IPO5: variants seen among roughly 807,000 people sequenced by gnomAD.
IPO5 encodes the protein importin-5.
In IPO5, 18 loss-of-function variants were observed where a neutral mutation model predicts 143.3. The observed-to-expected ratio is 0.13, with a 90% CI of 0.09 to 0.19. The LOEUF (loss-of-function observed/expected upper bound fraction) is 0.19, where lower values mean the gene tolerates loss of function less well. Ranked by LOEUF, IPO5 falls within the 10% of genes least tolerant of loss-of-function variation. The pLI is 1.00. For synonymous variants in IPO5, 477 were observed against 465.7 expected (o/e 1.02, Z -0.31); for missense variants, 1,013 against 1,336.9 (o/e 0.76, Z 3.78).
chr13:97,971,962 T>C (rs1325978465), intron 3 of IPO5, among the ~76,000 whole-genome samples: 2 of 152,198 alleles, frequency 1.3e-5, no homozygotes, highest in Admixed American at 6.5e-5. Context: ...ATTCCAATTT[T>C]ACAGATGAGA....
At chr13:98,016,152 C>A (rs1890109491) in intron 24 of IPO5, among the ~76,000 whole-genome samples, 1 of 152,128 alleles carries the variant, frequency 6.6e-6, no homozygotes, top group Non-Finnish European at 1.5e-5. Flanking sequence ...CGGTCTGGGG[C>A]CTTTTTCACC....
At chr13:97,984,215 T>G (rs1367309874) in intron 5 of IPO5, among the ~76,000 whole-genome samples, 1 of 151,760 alleles carries the variant, frequency 6.6e-6, no homozygotes, top group African/African-American at 2.4e-5. Context: ...CCTGACCTCG[T>G]GATCCGCCCG....
chr13:97,978,174 T>C (rs909879115), intron 4 of IPO5, among the ~76,000 whole-genome samples: 6 of 152,346 alleles, frequency 3.9e-5, no homozygotes, highest in Admixed American at 1.3e-4. Context: ...TCGTTTCTTA[T>C]CCCGTTTCCC....
chr13:97,969,153 G>GTATATATATATATA lies in IPO5; in HGVS notation c.-112-560_-112-547dup, dbSNP rs1210544640. Among the ~76,000 whole-genome samples the GTATATATATATATA allele has an allele frequency of 4.2e-3, 269 of 63,380 alleles. 6 individuals carry two copies. The highest frequency in any genetic ancestry group is 0.013 in the Middle Eastern group (1 of 78). 41.6% of individuals were successfully genotyped at this position (63,380 alleles called of 152,430 possible). On this transcript the variant is annotated intron_variant, in intron 2 of 28. Transcript: ENST00000651721. ...CTTAGAAATGAAATCTTTCTGCTAA[G>GTATATATATATATA]TATATATATATATATATATATATTT...
intron 2 of IPO5, among the ~76,000 whole-genome samples, chr13:97,967,822 G>A (rs1179798429): frequency 3.9e-5 from 6 of 152,036 alleles, no homozygotes; most frequent in African/African-American, 1.2e-4. Context: ...TAGCAGAGAC[G>A]GCGTTTCACC....
chr13:97,976,806 C>T lies in IPO5; in HGVS notation c.90+20C>T, dbSNP rs537048431. 1.3e-5 allele frequency: 15 copies of T among 1,186,732 alleles called. No individual in the cohort carries two copies. The East Asian group carries it at 7.5e-4, about 60-fold the overall frequency. 73.5% of individuals were successfully genotyped at this position (1,186,732 alleles called of 1,614,324 possible). A position where few individuals can be genotyped will look rare whatever the true frequency, so the allele number is the denominator to read the frequency against. On this transcript the variant is annotated intron_variant, in intron 4 of 28. Transcript: ENST00000651721. ...GCAGAGGTAACCGAGTTCGCCGCCC[C>T]AGTCTTCGCGCCCTGGCCGGCGCGC... is the stretch of plus-strand genomic sequence containing the variant.
chr13:97,970,494 G>A (rs1381424502), intron 3 of IPO5, among the ~76,000 whole-genome samples: 2 of 152,080 alleles, frequency 1.3e-5, no homozygotes, highest in African/African-American at 4.8e-5. Context: ...GGTGGCGGGC[G>A]CCTGTAATCC....
chr13:97,956,496 C>T (rs1460612308), intron 2 of IPO5, among the ~76,000 whole-genome samples: 1 of 152,198 alleles, frequency 6.6e-6, no homozygotes, highest in African/African-American at 2.4e-5. Flanking sequence ...TGTTGGATCT[C>T]ACCCTTAGGA....
intron 2 of IPO5, among the ~76,000 whole-genome samples, chr13:97,958,260 T>C (rs1315787043): frequency 6.6e-6 from 1 of 152,044 alleles, no homozygotes; most frequent in Non-Finnish European, 1.5e-5. Context: ...CTGGGCTCCA[T>C]TGTCCCTCTA....
intron 2 of IPO5, among the ~76,000 whole-genome samples, chr13:97,966,019 T>G (rs1405477036): frequency 6.6e-6 from 1 of 151,042 alleles, no homozygotes; most frequent in Non-Finnish European, 1.5e-5. Context: ...GCTTGTGCCT[T>G]AATCCCAGCT....
chr13:98,015,922 CTTAATTTATGAATAAG>C, intron 24 of IPO5, 141 bp downstream of exon 24: 1 of 589,282 alleles, frequency 1.7e-6, no homozygotes, highest in South Asian at 2.5e-5. Context: ...TATTTCCTCT[CTTAATTTATGAATAAG>C]TAATTTGAAA....
chr13:98,003,751 AGAG>A (rs937884312), intron 16 of IPO5, among the ~76,000 whole-genome samples: 3 of 152,090 alleles, frequency 2.0e-5, no homozygotes, highest in Non-Finnish European at 4.4e-5. Flanking sequence ...CGGGAGGCTA[AGAG>A]GAGAATCACT....
intron 26 of IPO5, among the ~76,000 whole-genome samples, 161 bp from the exon 27 acceptor site, chr13:98,019,420 T>C (rs1257243822): frequency 6.6e-6 from 1 of 152,238 alleles, no homozygotes; most frequent in Non-Finnish European, 1.5e-5. Flanking sequence ...GTCCCCCCTC[T>C]GTTGCCATTC....
rs1429450430 is a variant in IPO5 at position 97,976,801 on chromosome 13, C to T, written c.90+15C>T. ...AACAGGCAGAGGTAACCGAGTTCGCCGCCCCAGTCTTCGCGCCCTGGCCGG... is the reference window on the plus strand; with the variant it reads ...AACAGGCAGAGGTAACCGAGTTCGCTGCCCCAGTCTTCGCGCCCTGGCCGG... On this transcript the variant is annotated intron_variant, in intron 4 of 28. Coordinates refer to ENST00000651721, the MANE Select transcript of IPO5 (RefSeq NM_002271.6). 3 of 1,250,778 alleles carry T rather than the reference C, an allele frequency of 2.4e-6. No homozygotes were observed. In the Admixed American group the frequency reaches 6.9e-5, roughly 29 times the overall value. The allele number at this position is 1,250,778 out of a possible 1,614,324, so 77.5% of individuals were successfully genotyped here.
intron 2 of IPO5, among the ~76,000 whole-genome samples, chr13:97,958,360 C>T (rs544639522): frequency 6.6e-6 from 1 of 152,126 alleles, no homozygotes; most frequent in African/African-American, 2.4e-5. Flanking sequence ...CAAACACCTC[C>T]TTCTCATCTT....
intron 9 of IPO5, among the ~76,000 whole-genome samples, 171 bp downstream of exon 9, chr13:97,990,708 GA>G (rs1257446169): frequency 6.6e-6 from 1 of 152,094 alleles, no homozygotes; most frequent in Non-Finnish European, 1.5e-5. Context: ...TACTGCCTTT[GA>G]AAGACATTTT....
At position 97,981,593 on chromosome 13, in the gene IPO5, C is replaced by G. The variant is rs576816732; in HGVS notation, c.91-910C>G. 2.0e-5 allele frequency among the ~76,000 whole-genome samples: 3 copies of G among 152,290 alleles called. No individual in the cohort carries two copies. In the South Asian group the frequency reaches 6.2e-4, roughly 32 times the overall value. ...GAGAGCAGGTAAGCTCTAAAGAAAT[C>G]AATGTTACCCACATTAGACTCAACT... On this transcript the variant is annotated intron_variant, in intron 4 of 28. Coordinates refer to ENST00000651721, the MANE Select transcript of IPO5 (RefSeq NM_002271.6).
In IPO5 at chr13:98,021,112, C is replaced by T; in HGVS notation, c.3186C>T (p.Ala1062=). The T allele has an allele frequency of 6.2e-7, 1 of 1,606,114 alleles. No homozygotes were observed. Among genetic ancestry groups the T allele is most frequent in the Non-Finnish European group, 8.5e-7 (1 of 1,177,320 alleles). The part of the protein sequence containing the change: ...KHEDPCAKRL[A]NVVRQVQTSG... Reference sequence around the variant, plus strand: ...AAGATCCTTGTGCCAAACGTCTGGCCAATGTCGTTCGCCAAGTACAGGTAA... The same window carrying T: ...AAGATCCTTGTGCCAAACGTCTGGCTAATGTCGTTCGCCAAGTACAGGTAA... The change falls in exon 28 of 29, where the codon GCC becomes GCT. Residue 1062 remains alanine, a synonymous_variant. Coordinates refer to ENST00000651721, the MANE Select transcript of IPO5 (RefSeq NM_002271.6).
chr13:98,018,584 TTC>T lies in IPO5; in HGVS notation c.2718_2719del (p.Leu907LysfsTer9). ...SPASFKYAEY[F>X]LRPMLQYVCD... is the part of the protein sequence containing the mutation. ...AGCCTCATTTAAATACGCAGAATATTTCTTAAGACCAATGCTCCAATATGTAT... is the reference window on the plus strand; with the variant it reads ...AGCCTCATTTAAATACGCAGAATATTTTAAGACCAATGCTCCAATATGTAT... On this transcript the variant is annotated frameshift_variant, in exon 26 of 29. Coordinates refer to ENST00000651721, the MANE Select transcript of IPO5 (RefSeq NM_002271.6). LOFTEE classifies it high-confidence loss of function. 6.2e-7 allele frequency: 1 copy of T among 1,614,148 alleles called. No homozygotes were observed. Among genetic ancestry groups the T allele is most frequent in the Non-Finnish European group, 8.5e-7 (1 of 1,179,972 alleles).
Sources: gnomAD v4.1 joint callset for allele counts (sites outside exome capture counted in the v4.1 genomes callset) on GRCh38, gnomAD v4.1.1 for gene constraint, MANE v1.5 for transcripts, NCBI Gene and HGNC (gene_info 2026-07-23, HGNC 2026-07-21) for gene names.